The following PAG1 variants were observed in gnomAD, a reference collection of about 807,000 sequenced individuals.
The protein encoded by PAG1 is phosphoprotein membrane anchor with glycosphingolipid microdomains 1, also known as phosphoprotein associated with glycosphingolipid-enriched microdomains 1.
PAG1 carries 23 observed loss-of-function variants against 31.7 expected under a neutral mutation model. The ratio of observed to expected loss-of-function variants is 0.73; its 90% confidence interval spans 0.52 to 1.03. PAG1 has a LOEUF of 1.03. Ranked by LOEUF, PAG1 falls within the 50% of genes least tolerant of loss-of-function variation. PAG1 has a pLI of 0.00. For missense variants in PAG1, 473 were observed against 540.7 expected, an observed-to-expected ratio of 0.87 and a Z score of 1.24; for synonymous variants, 214 against 210.3, an observed-to-expected ratio of 1.02 and a Z score of -0.15.
At position 80,975,535 on chromosome 8, in the gene PAG1, T is replaced by C. The variant is rs550567471; in HGVS notation, c.*1009A>G. ...ATCTTAGATTACCTTAGGGTAGCAG[T>C]TAACTTATGAGATGCCACACTGTTG... is the stretch of plus-strand genomic sequence containing the variant. On this transcript the variant is annotated 3_prime_UTR_variant, in exon 9 of 9. Coordinates refer to ENST00000220597, the MANE Select transcript of PAG1 (RefSeq NM_018440.4). 4 of 152,282 alleles carry C rather than the reference T, an allele frequency of 2.6e-5. No homozygotes were observed. The highest frequency in any genetic ancestry group is 5.9e-5 in the Non-Finnish European group (4 of 68,018). The allele number at this position is 152,282 out of a possible 1,614,324, so 9.4% of individuals were successfully genotyped here. A position where few individuals can be genotyped will look rare whatever the true frequency, so the allele number is the denominator to read the frequency against.
chr8:81,005,912 C>A (rs1177311680), intron 3 of PAG1, among the ~76,000 whole-genome samples: 1 of 152,102 alleles, frequency 6.6e-6, no homozygotes. Context: ...TGGAGAGGGG[C>A]CCAAGAATCT....
At chr8:81,107,512 C>A (rs996955828) in intron 1 of PAG1, among the ~76,000 whole-genome samples, 1 of 152,184 alleles carries the variant, frequency 6.6e-6, no homozygotes, top group South Asian at 2.1e-4. Flanking sequence ...CTGAAGCTCA[C>A]TAGTGTCACC....
At chr8:81,028,045 T>G (rs1808315230) in intron 3 of PAG1, among the ~76,000 whole-genome samples, 1 of 151,840 alleles carries the variant, frequency 6.6e-6, no homozygotes, top group African/African-American at 2.4e-5. Context: ...ACTCTCTAGC[T>G]CACACTGTCT....
chr8:80,977,014 C>G, intron 8 of PAG1, 108 bp from the exon 9 acceptor site: 1 of 958,664 alleles, frequency 1.0e-6, no homozygotes, highest in Non-Finnish European at 1.6e-6. Context: ...TGTGTGTACT[C>G]CTTAAAGATT....
At chr8:81,017,062 G>A (rs866925649) in intron 3 of PAG1, among the ~76,000 whole-genome samples, 1 of 152,120 alleles carries the variant, frequency 6.6e-6, no homozygotes, top group Non-Finnish European at 1.5e-5. Flanking sequence ...TGGCCAAGAC[G>A]AGAGGATTGC....
intron 1 of PAG1, among the ~76,000 whole-genome samples, chr8:81,090,068 A>C (rs1809421521): frequency 6.6e-6 from 1 of 152,196 alleles, no homozygotes; most frequent in Admixed American, 6.5e-5. Flanking sequence ...CTGCTAATGT[A>C]AATGGTATTT....
At chr8:80,984,098 G>A (rs934460626) in intron 7 of PAG1, among the ~76,000 whole-genome samples, 8 of 152,112 alleles carry the variant, frequency 5.3e-5, no homozygotes, top group Non-Finnish European at 1.0e-4. Context: ...ATTATTAGTT[G>A]CCTGAAGTAG....
rs573977121 is a variant in PAG1, at chr8:81,092,753, A to G, written c.-234+18838T>C. Among the ~76,000 whole-genome samples, 3 of 152,384 alleles carry G rather than the reference A, an allele frequency of 2.0e-5. No individual in the cohort carries two copies. In the South Asian group the frequency reaches 6.2e-4, roughly 32 times the overall value. On this transcript the variant is annotated intron_variant, in intron 1 of 8. Transcript: ENST00000220597. Reference sequence around the variant, plus strand: ...GTTCATGGTATATACCACTTTACCTATGTCATAAGGACATGGGTCTGATTT... The same window carrying G: ...GTTCATGGTATATACCACTTTACCTGTGTCATAAGGACATGGGTCTGATTT...
At position 80,976,662 on chromosome 8, in the gene PAG1, T is replaced by C. The variant is rs757578457; in HGVS notation, c.1181A>G (p.Asn394Ser). The C allele has an allele frequency of 6.2e-7, 1 of 1,614,086 alleles. No individual in the cohort carries two copies. Among genetic ancestry groups the C allele is most frequent in the East Asian group, 2.2e-5 (1 of 44,900 alleles). The change falls in exon 9 of 9, where the codon AAC becomes AGC. Residue 394 changes from asparagine (N) to serine (S), a missense_variant. Transcript: ENST00000220597. Reference protein sequence around the residue: ...EPDYEAIQTLNREEEKATLGT... With the variant: ...EPDYEAIQTLSREEEKATLGT... ...CAGGGTGGCCTTTTCTTCCTCTCTG[T>C]TGAGAGTCTGTATCGCTTCATAATC...
intron 1 of PAG1, among the ~76,000 whole-genome samples, chr8:81,096,430 C>T (rs866628012): frequency 9.9e-5 from 15 of 152,224 alleles, no homozygotes; most frequent in Middle Eastern, 3.4e-3. Context: ...ATTTTAGAGG[C>T]CCATAGATGT....
At chr8:81,039,147 G>A (rs189275800) in intron 2 of PAG1, among the ~76,000 whole-genome samples, 14 of 152,286 alleles carry the variant, frequency 9.2e-5, no homozygotes, top group Non-Finnish European at 1.8e-4. Context: ...TACTCTGTGT[G>A]TGTGTGTGCA....
rs1220196170 is a variant in PAG1 at position 80,980,439 on chromosome 8, T to C, written c.932A>G (p.Glu311Gly). Reference protein sequence around the residue: ...SREEDPTLTEEEISAMYSSVN... With the variant: ...SREEDPTLTEGEISAMYSSVN... Reference sequence around the variant, plus strand: ...TTAAAAAGAAACAAAACTTACCTCTTCTTCTGTGAGAGTGGGGTCTTCTTC... The same window carrying C: ...TTAAAAAGAAACAAAACTTACCTCTCCTTCTGTGAGAGTGGGGTCTTCTTC... The change falls in exon 8 of 9, where the codon GAA (glutamate) becomes GGA (glycine). Residue 311 changes from glutamate to glycine, a missense_variant. Glu to Gly is a moderately conservative substitution (Grantham distance 98). Transcript: ENST00000220597. 6.3e-7 allele frequency: 1 copy of C among 1,586,438 alleles called. No homozygotes were observed. Among genetic ancestry groups the C allele is most frequent in the Admixed American group, 1.7e-5 (1 of 59,960 alleles).
At chr8:81,053,348 T>G (rs1371990537) in intron 2 of PAG1, among the ~76,000 whole-genome samples, 2 of 152,226 alleles carry the variant, frequency 1.3e-5, no homozygotes, top group African/African-American at 4.8e-5. Flanking sequence ...TGGCTACACA[T>G]TTTACAATAT....
chr8:80,991,755 C>A (rs1479242188), intron 4 of PAG1, among the ~76,000 whole-genome samples: 1 of 152,088 alleles, frequency 6.6e-6, no homozygotes, highest in East Asian at 1.9e-4. Flanking sequence ...CCTCCCCTGG[C>A]ACCCCTTCTT....
chr8:81,047,073 T>C (rs776172757), intron 2 of PAG1, among the ~76,000 whole-genome samples: 1 of 152,240 alleles, frequency 6.6e-6, no homozygotes, highest in Non-Finnish European at 1.5e-5. Flanking sequence ...ATGTACCATA[T>C]TTTCTGTACC....
intron 2 of PAG1, chr8:81,037,343 C>T (rs1808478087): frequency 6.6e-6 from 1 of 152,140 alleles, no homozygotes; most frequent in African/African-American, 2.4e-5. Context: ...TCTTCTATTT[C>T]TAAGCATGCT....
In PAG1 at chr8:80,976,053, G is replaced by C. The variant is rs769809264; in HGVS notation, c.*491C>G. 7.1e-5 allele frequency: 11 copies of C among 155,084 alleles called. No homozygotes were observed. Among genetic ancestry groups the C allele is most frequent in the Non-Finnish European group, 1.1e-4 (8 of 70,168 alleles). The allele number at this position is 155,084 out of a possible 1,614,324, so 9.6% of individuals were successfully genotyped here. ...ATATTGAGGGCAAAGGCCAAGCTTTGTGTGAAAATTTCCTTGGGATGAACC... is the reference window on the plus strand; with the variant it reads ...ATATTGAGGGCAAAGGCCAAGCTTTCTGTGAAAATTTCCTTGGGATGAACC... On this transcript the variant is annotated 3_prime_UTR_variant, in exon 9 of 9. Coordinates refer to ENST00000220597, the MANE Select transcript of PAG1 (RefSeq NM_018440.4).
At chr8:81,011,471 C>G (rs1220918925) in intron 3 of PAG1, among the ~76,000 whole-genome samples, 1 of 152,190 alleles carries the variant, frequency 6.6e-6, no homozygotes, top group African/African-American at 2.4e-5. Flanking sequence ...ACTCTCCAGC[C>G]ACATGGAACT....
chr8:81,075,244 G>C (rs1218839088), intron 1 of PAG1, among the ~76,000 whole-genome samples: 2 of 152,188 alleles, frequency 1.3e-5, no homozygotes, highest in African/African-American at 4.8e-5. Flanking sequence ...CTATATAATA[G>C]TCAGGGTTTT....
Sources: gnomAD v4.1 joint callset for allele counts (sites outside exome capture counted in the v4.1 genomes callset) on GRCh38, gnomAD v4.1.1 for gene constraint, MANE v1.5 for transcripts, NCBI Gene and HGNC (gene_info 2026-07-23, HGNC 2026-07-21) for gene names.